The following CLASP1 variants were observed in gnomAD, a reference collection of about 807,000 sequenced individuals.
CLASP1 encodes cytoplasmic linker associated protein 1.
CLASP1 carries 38 observed loss-of-function variants against 192.3 expected under a neutral mutation model. The ratio of observed to expected loss-of-function variants is 0.20; its 90% confidence interval spans 0.15 to 0.26. The LOEUF is 0.26. Ranked by LOEUF, CLASP1 falls within the 10% of genes least tolerant of loss-of-function variation. CLASP1 has a pLI of 1.00. For missense variants in CLASP1, 1,433 were observed against 1,932.5 expected (o/e 0.74, Z 4.85); for synonymous variants, 691 against 712.8 (o/e 0.97, Z 0.49).
intron 30 of CLASP1, among the ~76,000 whole-genome samples, chr2:121,390,818 C>G (rs2074215235): frequency 6.6e-6 from 1 of 152,056 alleles, no homozygotes; most frequent in African/African-American, 2.4e-5. Flanking sequence ...AGTATCTCTC[C>G]TTTCTTTTTT....
chr2:121,571,211 T>C (rs1313779246), intron 2 of CLASP1, among the ~76,000 whole-genome samples: 2 of 152,112 alleles, frequency 1.3e-5, no homozygotes, highest in East Asian at 3.9e-4. Context: ...GGTCTCACTC[T>C]GTCACCCAGG....
At chr2:121,614,382 G>A (rs2106022343) in intron 1 of CLASP1, among the ~76,000 whole-genome samples, 1 of 152,258 alleles carries the variant, frequency 6.6e-6, no homozygotes, top group East Asian at 1.9e-4. Context: ...TGTAATCCCA[G>A]CTACTCAAGA....
intron 19 of CLASP1, among the ~76,000 whole-genome samples, chr2:121,437,186 C>T (rs544576397): frequency 6.6e-6 from 1 of 152,072 alleles, no homozygotes; most frequent in East Asian, 1.9e-4. Context: ...CCAGGCTTAA[C>T]TCCTGGGCTC....
chr2:121,537,056 ACT>A (rs2095103372), intron 2 of CLASP1, among the ~76,000 whole-genome samples: 1 of 152,134 alleles, frequency 6.6e-6, no homozygotes, highest in Middle Eastern at 3.2e-3. Flanking sequence ...TGGTTGTATA[ACT>A]CTGTGAATGT....
rs754074342 is a variant in CLASP1 at position 121,418,658 on chromosome 2, G to A, written c.2284C>T (p.Arg762Ter). 1.9e-6 allele frequency: 3 copies of A among 1,613,854 alleles called. No individual in the cohort carries two copies. The highest frequency in any genetic ancestry group is 2.5e-6 in the Non-Finnish European group (3 of 1,179,846). The change falls in exon 23 of 40, where the codon CGA becomes TGA. Residue 762 changes from arginine (R) to a stop codon, truncating the protein, a stop_gained. Coordinates refer to ENST00000263710, the Ensembl canonical transcript of CLASP1. LOFTEE classifies it high-confidence loss of function. ...AAGCCCCGAGCAGGGCTTGTATCTC[G>A]GCTGCTCTCACGGCTGGTATCGCGG...
intron 1 of CLASP1, among the ~76,000 whole-genome samples, chr2:121,622,464 G>A (rs2067534589): frequency 1.3e-5 from 2 of 151,750 alleles, no homozygotes; most frequent in South Asian, 4.2e-4. Context: ...AACTACTCAG[G>A]AGGCTAAGGT....
chr2:121,407,909 G>A, intron 24 of CLASP1, 194 bp from the exon 26 acceptor site: 2 of 746,456 alleles, frequency 2.7e-6, no homozygotes, highest in East Asian at 2.6e-5. Context: ...AATAAGCAAA[G>A]CACTCTGTAG....
chr2:121,420,132 G>GA (rs397767392), intron 22 of CLASP1, among the ~76,000 whole-genome samples: 64,539 of 146,476 alleles, frequency 0.44, 17,020 homozygotes, highest in African/African-American at 0.76. Context: ...ACTGCTCAGG[G>GA]AAAAAAAAAA....
At chr2:121,496,864 T>C (rs1017583307) in intron 8 of CLASP1, among the ~76,000 whole-genome samples, 2 of 152,194 alleles carry the variant, frequency 1.3e-5, no homozygotes, top group Non-Finnish European at 2.9e-5. Flanking sequence ...AAAATGTGTA[T>C]ATATACACAA....
chr2:121,460,782 C>T (rs994834082), intron 11 of CLASP1, among the ~76,000 whole-genome samples: 12 of 152,036 alleles, frequency 7.9e-5, no homozygotes, highest in African/African-American at 2.9e-4. Flanking sequence ...ACTAAAAATG[C>T]CACAAAAAAG....
intron 32 of CLASP1, among the ~76,000 whole-genome samples, chr2:121,385,198 C>T (rs748935216): frequency 2.6e-5 from 4 of 152,178 alleles, no homozygotes; most frequent in Non-Finnish European, 5.9e-5. Flanking sequence ...TAACATGAAG[C>T]AGTTTTTCCC....
At chr2:121,425,520 G>A (rs1466435062) in intron 21 of CLASP1, among the ~76,000 whole-genome samples, 3 of 151,930 alleles carry the variant, frequency 2.0e-5, no homozygotes, top group Admixed American at 6.6e-5. Flanking sequence ...AATTACTGGT[G>A]GAATAGCCTC....
At chr2:121,558,875 T>C (rs1019475328) in intron 2 of CLASP1, among the ~76,000 whole-genome samples, 2 of 152,226 alleles carry the variant, frequency 1.3e-5, no homozygotes, top group Non-Finnish European at 2.9e-5. Flanking sequence ...GATTCTCTCA[T>C]GGTTCTGTTC....
At chr2:121,508,223 T>A (rs1255457514) in intron 7 of CLASP1, among the ~76,000 whole-genome samples, 2 of 150,986 alleles carry the variant, frequency 1.3e-5, no homozygotes, top group Middle Eastern at 3.4e-3. Context: ...GTAATTTGCA[T>A]GACAATAGCA....
At chr2:121,389,734 T>C (rs1427885367) in intron 30 of CLASP1, among the ~76,000 whole-genome samples, 2 of 152,218 alleles carry the variant, frequency 1.3e-5, no homozygotes, top group Middle Eastern at 3.2e-3. Flanking sequence ...TGTTACCTAA[T>C]GTCCAAGCTA....
intron 2 of CLASP1, chr2:121,530,802 G>A (rs1420463084): frequency 9.7e-6 from 6 of 619,250 alleles, no homozygotes; most frequent in Non-Finnish European, 1.5e-5. Flanking sequence ...ACCGACTAGG[G>A]CGAGGCTCAC....
chr2:121,452,300 T>C (rs1470913387), intron 14 of CLASP1, among the ~76,000 whole-genome samples: 1 of 152,232 alleles, frequency 6.6e-6, no homozygotes, highest in East Asian at 1.9e-4. Context: ...GTGCTCTCCA[T>C]ATTTTCATGC....
intron 8 of CLASP1, among the ~76,000 whole-genome samples, chr2:121,477,231 T>A (rs928593520): frequency 6.6e-6 from 1 of 152,202 alleles, no homozygotes; most frequent in African/African-American, 2.4e-5. Flanking sequence ...TTAATTCTGG[T>A]AGTCCACATG....
chr2:121,436,246 G>A (rs530231052), intron 19 of CLASP1, among the ~76,000 whole-genome samples: 1 of 152,210 alleles, frequency 6.6e-6, no homozygotes, highest in East Asian at 1.9e-4. Flanking sequence ...TGGCCAGGCT[G>A]TTCTCAAACT....
Sources: gnomAD v4.1 joint callset for allele counts (sites outside exome capture counted in the v4.1 genomes callset) on GRCh38, gnomAD v4.1.1 for gene constraint, MANE v1.5 for transcripts, NCBI Gene and HGNC (gene_info 2026-07-23, HGNC 2026-07-21) for gene names.